The following PTCHD4 variants were observed in gnomAD, a reference collection of about 807,000 sequenced individuals.
PTCHD4 encodes patched domain-containing protein 4.
A neutral mutation model predicts 58.1 loss-of-function variants in PTCHD4; 33 were observed. That is an observed-to-expected ratio of 0.57 (90% CI 0.43 to 0.76). The LOEUF (loss-of-function observed/expected upper bound fraction) is 0.76, where lower values mean the gene tolerates loss of function less well. Ranked by LOEUF, PTCHD4 falls within the 30% of genes least tolerant of loss-of-function variation. The pLI, the probability that PTCHD4 is intolerant of heterozygous loss-of-function variation, is 0.00. For missense variants in PTCHD4, 1,058 were observed against 1,027.1 expected (o/e 1.03, Z -0.41); for synonymous variants, 478 against 409.6 (o/e 1.17, Z -2.02).
At chr6:48,048,888 C>T (rs1411201417) in intron 3 of PTCHD4, among the ~76,000 whole-genome samples, 1 of 151,784 alleles carries the variant, frequency 6.6e-6, no homozygotes, top group South Asian at 2.1e-4. Context: ...ACTGGGAATC[C>T]TAGAAATTCT....
intron 4 of PTCHD4, among the ~76,000 whole-genome samples, chr6:47,996,858 A>G (rs568317142): frequency 5.9e-5 from 9 of 152,326 alleles, no homozygotes; most frequent in Middle Eastern, 6.8e-3. Flanking sequence ...TAAATTTTTT[A>G]AAAGAACACA....
intron 4 of PTCHD4, among the ~76,000 whole-genome samples, chr6:47,935,387 G>A (rs1422612282): frequency 1.3e-5 from 2 of 151,884 alleles, no homozygotes; most frequent in Admixed American, 1.3e-4. Flanking sequence ...CATGTCATGG[G>A]GCACTTTGCA....
intron 4 of PTCHD4, among the ~76,000 whole-genome samples, chr6:47,958,818 C>G (rs1018774346): frequency 6.6e-6 from 1 of 152,170 alleles, no homozygotes; most frequent in African/African-American, 2.4e-5. Context: ...ATCAGCCAGA[C>G]TGGAAAAACA....
intron 4 of PTCHD4, among the ~76,000 whole-genome samples, chr6:47,912,816 G>A (rs1765112057): frequency 6.6e-6 from 1 of 152,070 alleles, no homozygotes; most frequent in African/African-American, 2.4e-5. Context: ...AGTGCAAAGT[G>A]GGAAATTTTG....
At chr6:48,018,945 G>T (rs1189062747) in intron 3 of PTCHD4, among the ~76,000 whole-genome samples, 1 of 152,104 alleles carries the variant, frequency 6.6e-6, no homozygotes, top group Non-Finnish European at 1.5e-5. Flanking sequence ...CTTTCTTTTG[G>T]ACTAAGAAAT....
intron 4 of PTCHD4, among the ~76,000 whole-genome samples, chr6:47,892,825 T>A (rs988487365): frequency 2.6e-5 from 4 of 152,158 alleles, no homozygotes; most frequent in African/African-American, 9.7e-5. Flanking sequence ...TTCTTCCCAA[T>A]GAAGATGAAA....
chr6:47,894,368 T>G (rs188295941), intron 4 of PTCHD4, among the ~76,000 whole-genome samples: 123 of 152,342 alleles, frequency 8.1e-4, no homozygotes, highest in African/African-American at 2.8e-3. Flanking sequence ...GTGGGGAAGA[T>G]AGCAACACGG....
At chr6:47,888,036 T>A (rs1461959067) in intron 4 of PTCHD4, among the ~76,000 whole-genome samples, 1 of 152,082 alleles carries the variant, frequency 6.6e-6, no homozygotes, top group East Asian at 1.9e-4. Flanking sequence ...AATATTCCCA[T>A]CCCAGTACAG....
intron 3 of PTCHD4, among the ~76,000 whole-genome samples, chr6:48,010,183 G>A (rs562182067): frequency 6.6e-6 from 1 of 152,306 alleles, no homozygotes; most frequent in Non-Finnish European, 1.5e-5. Flanking sequence ...GTATGCTCAA[G>A]TACCAGGTGA....
intron 3 of PTCHD4, among the ~76,000 whole-genome samples, chr6:48,026,818 A>G (rs1562014210): frequency 6.6e-6 from 1 of 152,154 alleles, no homozygotes; most frequent in Non-Finnish European, 1.5e-5. Flanking sequence ...AGCCTCCACA[A>G]GATTACATAT....
intron 1 of PTCHD4, among the ~76,000 whole-genome samples, chr6:48,070,561 A>G (rs1764958718): frequency 1.3e-5 from 2 of 152,220 alleles, no homozygotes; most frequent in Non-Finnish European, 2.9e-5. Flanking sequence ...CTTGGCGGCC[A>G]TTCTGTTTGA....
chr6:48,091,477 T>C (rs529377198), intron 1 of PTCHD4, among the ~76,000 whole-genome samples: 1 of 152,224 alleles, frequency 6.6e-6, no homozygotes, highest in East Asian at 1.9e-4. Context: ...ATGCTAAAGG[T>C]AGAGCACTGC....
At chr6:47,973,809 A>G (rs529967197) in intron 4 of PTCHD4, among the ~76,000 whole-genome samples, 9 of 152,352 alleles carry the variant, frequency 5.9e-5, no homozygotes, top group African/African-American at 2.2e-4. Flanking sequence ...CCTAAAGAAC[A>G]AAGTGAAGTT....
chr6:48,003,808 G>C (rs961429748), intron 4 of PTCHD4, among the ~76,000 whole-genome samples: 12 of 152,198 alleles, frequency 7.9e-5, no homozygotes, highest in Non-Finnish European at 1.0e-4. Flanking sequence ...CTCTGATCCA[G>C]ACATATTCGC....
chr6:47,891,973 G>C (rs76712044), intron 4 of PTCHD4, among the ~76,000 whole-genome samples: 4,066 of 152,194 alleles, frequency 0.027, 189 homozygotes, highest in African/African-American at 0.093. Flanking sequence ...AGCCCAGAAG[G>C]ATTTGAATAT....
chr6:47,903,408 C>T (rs1285208323), intron 4 of PTCHD4, among the ~76,000 whole-genome samples: 2 of 152,082 alleles, frequency 1.3e-5, no homozygotes, highest in Admixed American at 6.5e-5. Context: ...CCTCAACCTC[C>T]CTGGCTCAAG....
intron 4 of PTCHD4, among the ~76,000 whole-genome samples, chr6:47,884,435 C>G (rs1764120366): frequency 6.6e-6 from 1 of 152,190 alleles, no homozygotes; most frequent in Admixed American, 6.6e-5. Context: ...CAGTTCCACC[C>G]TTACTCAGAG....
chr6:47,887,963 T>C (rs967378688), intron 4 of PTCHD4, among the ~76,000 whole-genome samples: 5 of 152,180 alleles, frequency 3.3e-5, no homozygotes, highest in African/African-American at 9.7e-5. Context: ...CCTTTGATAA[T>C]GTTGTTCAAT....
chr6:48,051,601 TACCC>T (rs1764237316), intron 3 of PTCHD4, among the ~76,000 whole-genome samples: 1 of 152,088 alleles, frequency 6.6e-6, no homozygotes, highest in East Asian at 1.9e-4. Context: ...TCTTGGTCCA[TACCC>T]ATAAAATTTT....
Sources: gnomAD v4.1 joint callset for allele counts (sites outside exome capture counted in the v4.1 genomes callset) on GRCh38, gnomAD v4.1.1 for gene constraint, MANE v1.5 for transcripts, NCBI Gene and HGNC (gene_info 2026-07-23, HGNC 2026-07-21) for gene names.